The following NLGN1 variants were observed in gnomAD, a reference collection of about 807,000 sequenced individuals.
The protein encoded by NLGN1 is neuroligin 1, also known as neuroligin-1.
In NLGN1, 12 loss-of-function variants were observed where a neutral mutation model predicts 65.5. That is an observed-to-expected ratio of 0.18 (90% CI 0.12 to 0.30). NLGN1 has a LOEUF of 0.30. NLGN1 is among the 10% of genes least tolerant of loss of function. The pLI is 1.00. For missense variants in NLGN1, 750 were observed against 1,007.1 expected, an observed-to-expected ratio of 0.74 and a Z score of 3.46; for synonymous variants, 350 against 359.5, an observed-to-expected ratio of 0.97 and a Z score of 0.30.
At chr3:173,447,331 C>T (rs1293448809) in intron 2 of NLGN1, among the ~76,000 whole-genome samples, 2 of 152,122 alleles carry the variant, frequency 1.3e-5, no homozygotes, top group African/African-American at 4.8e-5. Flanking sequence ...AATCCTTTCC[C>T]CATTGCTTGT....
chr3:173,565,418 TTACTAAATCC>T (rs1743473179), intron 2 of NLGN1, among the ~76,000 whole-genome samples: 1 of 152,200 alleles, frequency 6.6e-6, no homozygotes, highest in Non-Finnish European at 1.5e-5. Flanking sequence ...TTTCCACATC[TTACTAAATCC>T]CAAGACCTAT....
At chr3:173,965,370 T>C (rs1290707510) in intron 4 of NLGN1, among the ~76,000 whole-genome samples, 2 of 151,520 alleles carry the variant, frequency 1.3e-5, no homozygotes, top group African/African-American at 4.8e-5. Context: ...CAGACTAGAG[T>C]GTAGTAGTGT....
At chr3:174,164,510 T>G (rs1012347932) in intron 4 of NLGN1, among the ~76,000 whole-genome samples, 6 of 152,056 alleles carry the variant, frequency 3.9e-5, no homozygotes, top group Non-Finnish European at 8.8e-5. Flanking sequence ...CCTTTAACTC[T>G]TTAATCTATC....
chr3:174,254,302 T>C (rs1379269110), intron 4 of NLGN1, among the ~76,000 whole-genome samples: 1 of 129,204 alleles, frequency 7.7e-6, no homozygotes, highest in Admixed American at 8.6e-5. Flanking sequence ...AAAAGTCCTT[T>C]TTAATTTTTT....
chr3:173,741,892 G>C (rs980464513), intron 3 of NLGN1, among the ~76,000 whole-genome samples: 1 of 152,096 alleles, frequency 6.6e-6, no homozygotes, highest in African/African-American at 2.4e-5. Context: ...TTCTGTCCCT[G>C]AGGAAACAGA....
intron 3 of NLGN1, among the ~76,000 whole-genome samples, chr3:173,669,301 C>T (rs1762140874): frequency 6.6e-6 from 1 of 152,062 alleles, no homozygotes; most frequent in African/African-American, 2.4e-5. Flanking sequence ...AACAAAGTAC[C>T]ACAAACTGGG....
At chr3:173,551,936 A>G (rs1013584494) in intron 2 of NLGN1, among the ~76,000 whole-genome samples, 4 of 152,220 alleles carry the variant, frequency 2.6e-5, no homozygotes, top group Non-Finnish European at 5.9e-5. Flanking sequence ...CTAGGCACCT[A>G]TTAGTAAATA....
At chr3:173,751,818 G>A (rs1006928896) in intron 3 of NLGN1, among the ~76,000 whole-genome samples, 1 of 152,062 alleles carries the variant, frequency 6.6e-6, no homozygotes, top group African/African-American at 2.4e-5. Flanking sequence ...ATTATCTTAT[G>A]CTATTCCCAC....
intron 4 of NLGN1, among the ~76,000 whole-genome samples, chr3:174,225,607 T>C (rs1040525149): frequency 6.6e-6 from 1 of 152,040 alleles, no homozygotes; most frequent in African/African-American, 2.4e-5. Flanking sequence ...GGCGGGCGCC[T>C]GTAGTCCCAG....
intron 4 of NLGN1, among the ~76,000 whole-genome samples, chr3:174,101,937 G>A (rs888984834): frequency 6.6e-6 from 1 of 152,122 alleles, no homozygotes; most frequent in African/African-American, 2.4e-5. Context: ...TATTCACAGA[G>A]CAAATGACAT....
chr3:174,121,977 C>G (rs1363273614), intron 4 of NLGN1, among the ~76,000 whole-genome samples: 1 of 152,148 alleles, frequency 6.6e-6, no homozygotes, highest in African/African-American at 2.4e-5. Context: ...AATTTACACC[C>G]ACGCTCTCCT....
chr3:174,029,455 A>G (rs555616627), intron 4 of NLGN1, among the ~76,000 whole-genome samples: 2 of 152,342 alleles, frequency 1.3e-5, no homozygotes, highest in South Asian at 4.1e-4. Flanking sequence ...TATTTACCCA[A>G]TGCCTGTACC....
At chr3:173,782,828 T>G (rs1174194325) in intron 3 of NLGN1, among the ~76,000 whole-genome samples, 1 of 152,000 alleles carries the variant, frequency 6.6e-6, no homozygotes, top group Admixed American at 6.6e-5. Flanking sequence ...CTCCCAGCTT[T>G]AAGTATTTAC....
chr3:174,279,690 G>A lies in NLGN1; in HGVS notation c.1649+40G>A, dbSNP rs1751231390. On this transcript the variant is annotated intron_variant, in intron 6 of 6. Transcript: ENST00000457714. This position sits in a 1 kb window ranked among gnomAD's most constrained non-coding sequence, Gnocchi z 4.7. ...AATGAAGTTTATTTTTAATAAAAAT[G>A]TTATTTTAACCATTTTAAAATAATA... 2 of 1,252,956 alleles carry A rather than the reference G, an allele frequency of 1.6e-6. No homozygotes were observed. The highest frequency in any genetic ancestry group is 1.5e-5 in the South Asian group (1 of 68,818). 77.6% of individuals were successfully genotyped at this position (1,252,956 alleles called of 1,614,324 possible).
intron 2 of NLGN1, among the ~76,000 whole-genome samples, chr3:173,457,747 A>G (rs181879379): frequency 9.2e-5 from 14 of 152,238 alleles, no homozygotes; most frequent in Admixed American, 3.3e-4. Flanking sequence ...CAATAAGGCT[A>G]TCTTATGGGT....
rs115957949 is a variant in NLGN1, at chr3:173,700,610, T to C, written c.493+95519T>C. On this transcript the variant is annotated intron_variant, in intron 3 of 6. Coordinates refer to ENST00000457714, the Ensembl canonical transcript of NLGN1. ...AATTAAATGCCTGTTTTCTGCTCTC[T>C]GATGCATCATCTTTAGGCAGAAACC... Among the ~76,000 whole-genome samples the C allele has an allele frequency of 5.3e-3, 810 of 152,368 alleles. 6 individuals carry two copies. Among genetic ancestry groups the C allele is most frequent in the African/African-American group, 0.018 (733 of 41,586 alleles).
At chr3:174,235,065 A>G (rs951709260) in intron 4 of NLGN1, among the ~76,000 whole-genome samples, 2 of 119,796 alleles carry the variant, frequency 1.7e-5, no homozygotes, top group African/African-American at 6.8e-5. Flanking sequence ...TTTTAGTATT[A>G]CCACAGCATC....
chr3:173,937,087 G>C (rs932793299), intron 4 of NLGN1, among the ~76,000 whole-genome samples: 6 of 151,958 alleles, frequency 3.9e-5, no homozygotes, highest in African/African-American at 1.4e-4. Flanking sequence ...ATCCCCCTCA[G>C]CTTCCTCTGA....
chr3:173,652,368 T>G (rs1245340539), intron 3 of NLGN1, among the ~76,000 whole-genome samples: 1 of 152,208 alleles, frequency 6.6e-6, no homozygotes, highest in Non-Finnish European at 1.5e-5. Flanking sequence ...GAATTTTCCT[T>G]AGGTTTTTGT....
Sources: allele counts gnomAD v4.1 joint callset (sites outside exome capture counted in the v4.1 genomes callset), GRCh38; gene constraint gnomAD v4.1.1; non-coding constraint Gnocchi (gnomAD v3.1); transcripts MANE v1.5; gene names NCBI Gene and HGNC (gene_info 2026-07-23, HGNC 2026-07-21).